The following FAM151A variants were observed in gnomAD, a reference collection of about 807,000 sequenced individuals.
The protein encoded by FAM151A is family with sequence similarity 151 member A.
In FAM151A, 41 loss-of-function variants were observed where a neutral mutation model predicts 40.4. The ratio of observed to expected loss-of-function variants is 1.01; its 90% CI spans 0.79 to 1.32. FAM151A has a LOEUF of 1.32. Ranked by LOEUF, FAM151A falls within the 40% of genes most tolerant of loss-of-function variation. The pLI, the probability that FAM151A is intolerant of heterozygous loss-of-function variation, is 0.00. For missense variants in FAM151A, 740 were observed against 740.4 expected, an observed-to-expected ratio of 1.00 and a Z score of 0.01; for synonymous variants, 337 against 312.5, an observed-to-expected ratio of 1.08 and a Z score of -0.83.
chr1:54,623,335 A>AG lies in FAM151A; in HGVS notation c.60dup (p.Cys21LeufsTer22). The AG allele has an allele frequency of 6.2e-7, 1 of 1,614,052 alleles. No individual in the cohort carries two copies. The highest frequency in any genetic ancestry group is 8.5e-7 in the Non-Finnish European group (1 of 1,179,982). ...GCGGCAATGACCACCACAGACACAC[A>AG]GGTAATGCCGGCAAACACCCACTTG... is the stretch of plus-strand genomic sequence containing the variant. On this transcript the variant is annotated frameshift_variant, in exon 1 of 8. Transcript: ENST00000302250. LOFTEE classifies it high-confidence loss of function.
chr1:54,620,020 C>T lies in FAM151A; in HGVS notation c.119-13G>A. Reference sequence around the variant, plus strand: ...TCCAGCTCACAGCCTGGAAGGAATCCCAAGGGGCTGTTAGCGTCTGTCCTC... The same window carrying T: ...TCCAGCTCACAGCCTGGAAGGAATCTCAAGGGGCTGTTAGCGTCTGTCCTC... On this transcript the variant is annotated splice_polypyrimidine_tract_variant and intron_variant, in intron 1 of 7. Transcript: ENST00000302250. 3 of 1,613,158 alleles carry T rather than the reference C, an allele frequency of 1.9e-6. No individual in the cohort carries two copies. Among genetic ancestry groups the T allele is most frequent in the Non-Finnish European group, 2.5e-6 (3 of 1,179,472 alleles).
chr1:54,609,997 A>AAGAGTCCCTTGTTTTT (rs1644097767), intron 7 of FAM151A, 56 bp from the exon 8 acceptor site: 1 of 1,544,632 alleles, frequency 6.5e-7, no homozygotes, highest in Non-Finnish European at 8.7e-7. Flanking sequence ...ATAAGGTGTT[A>AAGAGTCCCTTGTTTTT]AGAGTCCCTT....
rs377126654 is a variant in FAM151A, at chr1:54,623,434, C to A, written c.-39G>T. On this transcript the variant is annotated 5_prime_UTR_variant, in exon 1 of 8. Coordinates refer to ENST00000302250, the MANE Select transcript of FAM151A (RefSeq NM_176782.3). The stretch of plus-strand genomic sequence containing the variant: ...GGGGAATGCCCCCAACTCCGTGCGG[C>A]CCAGAGTCCCTGAGGCTCCCTGCAG... 6.6e-7 allele frequency: 1 copy of A among 1,505,252 alleles called. No homozygotes were observed. The highest frequency in any genetic ancestry group is 9.2e-7 in the Non-Finnish European group (1 of 1,084,508). The allele number at this position is 1,505,252 out of a possible 1,614,324, so 93.2% of individuals were successfully genotyped here. A position where few individuals can be genotyped will look rare whatever the true frequency, so the allele number is the denominator to read the frequency against.
chr1:54,614,623 C>T (rs1291113998), intron 4 of FAM151A, 77 bp downstream of exon 4: 17 of 1,450,820 alleles, frequency 1.2e-5, no homozygotes, highest in South Asian at 5.4e-5. Flanking sequence ...CTCAGAGGTC[C>T]CCTAAGATCC....
Position 54,612,560 on chromosome 1 carries a change from GA to G in FAM151A, c.725del (p.Val242AlafsTer21). On this transcript the variant is annotated frameshift_variant, in exon 5 of 8. Transcript: ENST00000302250. LOFTEE classifies it high-confidence loss of function. ...CCATGGAAGACCGTACAGGGAAGGT[GA>G]CCCTCTGGGGCACTCCTCCCACCAG... ...HELVGGVPQR[V>X]TFPVRSSMVR... The G allele has an allele frequency of 6.2e-7, 1 of 1,614,076 alleles. No homozygotes were observed. The highest frequency in any genetic ancestry group is 2.2e-5 in the East Asian group (1 of 44,834).
rs1368883 is a variant in FAM151A at position 54,609,779 on chromosome 1, G to T, written c.1247C>A (p.Ala416Glu). Residue 416 changes from alanine to glutamate, a missense_variant, in exon 8 of 8, where the codon GCG (alanine) becomes GAG (glutamate). By Grantham distance (107) the Ala-to-Glu change is moderately radical (BLOSUM62 -1). Transcript: ENST00000302250. The stretch of plus-strand genomic sequence containing the variant: ...GGATGGCCGGAGGGCTGCGGGCTCC[G>T]CTATTTGCAAATGGATGCCCCAGTG... ...PGHWGIHLQI[A>E]EPAALRPSLA... 3 of 1,613,942 alleles carry T rather than the reference G, an allele frequency of 1.9e-6. No individual in the cohort carries two copies. Among genetic ancestry groups the T allele is most frequent in the Non-Finnish European group, 2.5e-6 (3 of 1,179,966 alleles).
At chr1:54,611,178 A>T (rs1644113681) in intron 6 of FAM151A, among the ~76,000 whole-genome samples, 1 of 152,194 alleles carries the variant, frequency 6.6e-6, no homozygotes, top group South Asian at 2.1e-4. Flanking sequence ...TCATGCCTGT[A>T]ATCCCAGTAC....
At chr1:54,616,657 G>A (rs180989673) in intron 2 of FAM151A, among the ~76,000 whole-genome samples, 17 of 152,288 alleles carry the variant, frequency 1.1e-4, no homozygotes, top group Non-Finnish European at 2.4e-4. Flanking sequence ...ACAGGCGTGA[G>A]CCACCGTGCC....
intron 1 of FAM151A, 65 bp downstream of exon 1, chr1:54,623,213 G>T: frequency 9.5e-7 from 1 of 1,049,678 alleles, no homozygotes; most frequent in Non-Finnish European, 1.5e-6. Flanking sequence ...CTGTAAGTGA[G>T]AAGTGGGGAT....
intron 3 of FAM151A, among the ~76,000 whole-genome samples, chr1:54,615,109 G>A (rs1247289483): frequency 2.0e-5 from 3 of 152,164 alleles, no homozygotes; most frequent in Non-Finnish European, 2.9e-5. Flanking sequence ...GGAAACAGAG[G>A]CCAGGTAAGG....
Position 54,609,567 on chromosome 1 carries a change from TGCCCAGCACCTCCTCAG to T in FAM151A, c.1442_1458del (p.Pro481GlnfsTer73), listed in dbSNP as rs1277802689. ...GTGAGCAGCTGTTCCCTGTAGCCAC[TGCCCAGCACCTCCTCAG>T]GCCAGCCTGGTGCCACAGTCACGTG... On this transcript the variant is annotated frameshift_variant, in exon 8 of 8. Coordinates refer to ENST00000302250, the MANE Select transcript of FAM151A (RefSeq NM_176782.3). LOFTEE classifies it low-confidence loss of function (END_TRUNC). The T allele has an allele frequency of 1.2e-6, 2 of 1,612,948 alleles. No individual in the cohort carries two copies. The highest frequency in any genetic ancestry group is 4.5e-5 in the East Asian group (2 of 44,880).
intron 2 of FAM151A, 147 bp downstream of exon 2, chr1:54,619,717 C>A (rs1224483799): frequency 1.2e-5 from 9 of 771,276 alleles, no homozygotes; most frequent in Non-Finnish European, 1.4e-5. Flanking sequence ...GGTCACTTAA[C>A]CCCTCTGAGC....
intron 3 of FAM151A, 29 bp downstream of exon 3, chr1:54,615,991 C>A: frequency 1.2e-6 from 2 of 1,610,050 alleles, no homozygotes; most frequent in Non-Finnish European, 1.7e-6. Context: ...GGGCTGGGGG[C>A]CGGAGAGGGT....
Position 54,610,441 on chromosome 1 carries a change from C to G in FAM151A, c.1055G>C (p.Ser352Thr). Reference sequence around the variant, plus strand: ...GAGGGTCATTGTTGCTGTTTTACCGCTGCCCTGGACGTCAGGAACCAGCCA... The same window carrying G: ...GAGGGTCATTGTTGCTGTTTTACCGGTGCCCTGGACGTCAGGAACCAGCCA... ...VEWLVPDVQG[S>T]GKTATMTLPD... Residue 352 changes from serine to threonine, a missense_variant, in exon 7 of 8, where the codon AGC becomes ACC. Physicochemically the swap from Ser to Thr is moderately conservative, Grantham distance 58 (BLOSUM62 1). Coordinates refer to ENST00000302250, the MANE Select transcript of FAM151A (RefSeq NM_176782.3). 6.2e-7 allele frequency: 1 copy of G among 1,613,618 alleles called. No homozygotes were observed. The highest frequency in any genetic ancestry group is 8.5e-7 in the Non-Finnish European group (1 of 1,179,718).
intron 1 of FAM151A, chr1:54,621,660 C>CAGG (rs1010710551): frequency 3.3e-5 from 5 of 152,564 alleles, no homozygotes; most frequent in African/African-American, 1.2e-4. Flanking sequence ...AAGAGGGGTC[C>CAGG]AGGAGGAGAC....
In FAM151A at chr1:54,619,975, C is replaced by G. The variant is rs17399297; in HGVS notation, c.151G>C (p.Asp51His). ...AGGCTCAGCAGGTAGTCCAGCATGT[C>G]GGCATCAGGGCTGCAGGCCTCCAGC... The part of the protein sequence containing the change: ...CELEACSPDA[D>H]MLDYLLSLGQ... The change falls in exon 2 of 8, where the codon GAC becomes CAC. Residue 51 changes from aspartate (D) to histidine (H), a missense_variant. Transcript: ENST00000302250. The G allele has an allele frequency of 1.2e-6, 2 of 1,614,114 alleles. No homozygotes were observed. Among genetic ancestry groups the G allele is most frequent in the Admixed American group, 1.7e-5 (1 of 60,018 alleles).
chr1:54,618,013 C>CA (rs1445985168), intron 2 of FAM151A, among the ~76,000 whole-genome samples: 1 of 152,150 alleles, frequency 6.6e-6, no homozygotes, highest in Non-Finnish European at 1.5e-5. Context: ...AGGCATGAGC[C>CA]ACCAGGCCTG....
chr1:54,616,403 G>A (rs762939921), intron 2 of FAM151A, among the ~76,000 whole-genome samples: 3 of 149,590 alleles, frequency 2.0e-5, no homozygotes, highest in South Asian at 2.1e-4. Context: ...TTGCTCTATC[G>A]CCCAGGCTGG....
At chr1:54,615,902 C>A in intron 3 of FAM151A, 118 bp downstream of exon 3, 1 of 1,060,450 alleles carries the variant, frequency 9.4e-7, no homozygotes, top group Non-Finnish European at 1.4e-6. Flanking sequence ...ATGAGAAAGC[C>A]AAGGCAATGA....
Sources: gnomAD v4.1 joint callset for allele counts (sites outside exome capture counted in the v4.1 genomes callset) on GRCh38, gnomAD v4.1.1 for gene constraint, MANE v1.5 for transcripts, NCBI Gene and HGNC (gene_info 2026-07-23, HGNC 2026-07-21) for gene names.